CYP2R1: variants seen among roughly 807,000 people sequenced by gnomAD.
CYP2R1 encodes the protein cytochrome P450 family 2 subfamily R member 1, also known as vitamin D 25-hydroxylase.
CYP2R1 carries 40 observed loss-of-function variants against 45.7 expected under a neutral mutation model. The observed-to-expected ratio is 0.87, with a 90% CI of 0.68 to 1.14. The LOEUF (loss-of-function observed/expected upper bound fraction) is 1.14, where lower values mean the gene tolerates loss of function less well. CYP2R1 is among the 50% of genes most tolerant of loss of function. The probability of loss-of-function intolerance (pLI) is 0.00; values close to 1 mark genes in which losing one functional copy is unlikely to be tolerated. For missense variants in CYP2R1, 605 were observed against 602.6 expected, an observed-to-expected ratio of 1.00 and a Z score of -0.04; for synonymous variants, 234 against 219.3, an observed-to-expected ratio of 1.07 and a Z score of -0.59.
At position 14,880,267 on chromosome 11, in the gene CYP2R1, T is replaced by C; in HGVS notation, c.869A>G (p.Asp290Gly). The part of the protein sequence containing the change: ...YLDEMDQGKN[D>G]PSSTFSKENL... ...TTCTTTGGAGAAAGTAGATGATGGG[T>C]CATTTTTACCTTGATCCATCTCATC... The change falls in exon 3 of 5, where the codon GAC (aspartate) becomes GGC (glycine). Residue 290 changes from aspartate (D) to glycine (G), a missense_variant. Physicochemically the swap from Asp to Gly is moderately conservative, Grantham distance 94. Transcript: ENST00000334636. 6.2e-7 allele frequency: 1 copy of C among 1,613,050 alleles called. No homozygotes were observed. Among genetic ancestry groups the C allele is most frequent in the South Asian group, 1.1e-5 (1 of 91,038 alleles).
upstream of CYP2R1, chr11:14,892,320 C>T (rs1296507833): frequency 3.0e-6 from 3 of 1,005,162 alleles, no homozygotes; most frequent in East Asian, 7.8e-5. Context: ...GCTCCGTGGC[C>T]ATTGGCTGAC....
chr11:14,879,905 G>GT (rs1204670302), intron 3 of CYP2R1, among the ~76,000 whole-genome samples: 4 of 151,982 alleles, frequency 2.6e-5, no homozygotes, highest in East Asian at 3.9e-4. Context: ...GACACACAGT[G>GT]TTTTTTCTCA....
intron 2 of CYP2R1, among the ~76,000 whole-genome samples, chr11:14,884,510 C>T (rs1440126857): frequency 1.6e-5 from 2 of 126,038 alleles, no homozygotes; most frequent in South Asian, 4.9e-4. Flanking sequence ...GGAAGGGGAA[C>T]ATCACACTCT....
intron 4 of CYP2R1, 100 bp downstream of exon 4, chr11:14,879,014 T>C (rs1848264661): frequency 1.2e-5 from 11 of 930,700 alleles, no homozygotes; most frequent in Middle Eastern, 2.2e-4. Context: ...AGAATTGGGA[T>C]ATTTAATTCT....
intron 1 of CYP2R1, 108 bp downstream of exon 1, chr11:14,891,873 G>A (rs1848871305): frequency 3.5e-6 from 5 of 1,429,606 alleles, no homozygotes; most frequent in Non-Finnish European, 4.7e-6. Context: ...CACACGGAGA[G>A]GTCCCGACTA....
intron 1 of CYP2R1, among the ~76,000 whole-genome samples, chr11:14,888,812 G>A (rs1421990159): frequency 6.6e-6 from 1 of 152,066 alleles, no homozygotes; most frequent in Admixed American, 6.5e-5. Flanking sequence ...AAATTAATAC[G>A]CTGTCAATTC....
intron 4 of CYP2R1, 88 bp from the exon 5 acceptor site, chr11:14,878,385 T>C: frequency 7.7e-7 from 1 of 1,292,982 alleles, no homozygotes; most frequent in Admixed American, 2.1e-5. Flanking sequence ...ATTCAGGAAA[T>C]CTGGAATTTA....
rs1565175953 is a variant in CYP2R1, at chr11:14,878,248, C to CG, written c.1379_1380insC (p.Leu460PhefsTer17). ...ACCTCTGAAGCAATGCTGTAAAAAA[C>CG]AAGAACATTTCCATCCGAGCCAAGT... is the stretch of plus-strand genomic sequence containing the variant. On this transcript the variant is annotated frameshift_variant, in exon 5 of 5. Transcript: ENST00000334636. LOFTEE classifies it high-confidence loss of function. The CG allele has an allele frequency of 6.2e-7, 1 of 1,613,108 alleles. No individual in the cohort carries two copies. Among genetic ancestry groups the CG allele is most frequent in the Admixed American group, 1.7e-5 (1 of 59,824 alleles).
chr11:14,883,307 A>T (rs1228008849), intron 2 of CYP2R1, among the ~76,000 whole-genome samples: 1 of 152,038 alleles, frequency 6.6e-6, no homozygotes, highest in Non-Finnish European at 1.5e-5. Context: ...CACTAACCAA[A>T]ACAGCATGGT....
chr11:14,891,096 A>G lies in CYP2R1; in HGVS notation c.225+885T>C, dbSNP rs148659424. The G allele has an allele frequency of 2.3e-4, 229 of 985,396 alleles. No homozygotes were observed. The African/African-American group carries it at 3.9e-3, about 17-fold the overall frequency. 61.0% of individuals were successfully genotyped at this position (985,396 alleles called of 1,614,324 possible). On this transcript the variant is annotated intron_variant, in intron 1 of 4. Transcript: ENST00000334636. ...AGTGTAATTCAAAACAAAACAGGTG[A>G]GCTCTGTCCCAGGACCCGTGGAAAC...
At chr11:14,886,815 C>T (rs977344346) in intron 1 of CYP2R1, 10 of 152,312 alleles carry the variant, frequency 6.6e-5, no homozygotes, top group African/African-American at 2.4e-4. Flanking sequence ...ATGGTACACA[C>T]TACTTCAGAA....
In CYP2R1 at chr11:14,880,701, T is replaced by C; in HGVS notation, c.435A>G (p.Arg145=). 8 of 1,597,780 alleles carry C rather than the reference T, an allele frequency of 5.0e-6. No individual in the cohort carries two copies. Among genetic ancestry groups the C allele is most frequent in the Non-Finnish European group, 6.0e-6 (7 of 1,175,448 alleles). ...AAGACTTTTGGCCATATCCAAAATA[T>C]CGAAAACTGTTTACAGCTAATCGTC... is the stretch of plus-strand genomic sequence containing the variant. The part of the protein sequence containing the change: ...DHRRLAVNSF[R]YFGYGQKSFE... Residue 145 remains arginine, a synonymous_variant, in exon 3 of 5, where the codon CGA becomes CGG. Coordinates refer to ENST00000334636, the MANE Select transcript of CYP2R1 (RefSeq NM_024514.5).
chr11:14,884,426 G>A (rs1340883649), intron 2 of CYP2R1, among the ~76,000 whole-genome samples: 75 of 150,492 alleles, frequency 5.0e-4, no homozygotes, highest in Admixed American at 1.3e-3. Context: ...GTAAACTATC[G>A]CAAGAACAAA....
At chr11:14,892,389 T>A, upstream of CYP2R1, 3 of 634,162 alleles carry the variant, frequency 4.7e-6, no homozygotes, top group Non-Finnish European at 8.2e-6. Flanking sequence ...CGGCTGAGAG[T>A]GGACTTTGCG....
rs1424269471 is a variant in CYP2R1, at chr11:14,877,683, C to T, written c.*439G>A. On this transcript the variant is annotated 3_prime_UTR_variant, in exon 5 of 5. Coordinates refer to ENST00000334636, the MANE Select transcript of CYP2R1 (RefSeq NM_024514.5). ...AACTCATTTATTTGTGTTTTAATTT[C>T]TTCTGTAGTCCTCTATTAAACTGGA... 6.4e-6 allele frequency: 1 copy of T among 155,528 alleles called. No individual in the cohort carries two copies. The highest frequency in any genetic ancestry group is 1.4e-5 in the Non-Finnish European group (1 of 70,448). The allele number at this position is 155,528 out of a possible 1,614,324, so 9.6% of individuals were successfully genotyped here.
At chr11:14,892,443 G>T (rs1848900228), upstream of CYP2R1, among the ~76,000 whole-genome samples, 1 of 152,216 alleles carries the variant, frequency 6.6e-6, no homozygotes, top group African/African-American at 2.4e-5. Context: ...CGCGGCTCTA[G>T]GCGGAGCAAT....
Position 14,880,289 on chromosome 11 carries a change from C to T in CYP2R1, c.847G>A (p.Glu283Lys), listed in dbSNP as rs1159586107. ...PQHFVDAYLD[E>K]MDQGKNDPSS... ...GGGTCATTTTTACCTTGATCCATCT[C>T]ATCTAAATAAGCATCAACAAAATGC... Residue 283 changes from glutamate to lysine, a missense_variant, in exon 3 of 5, where the codon GAG becomes AAG. Coordinates refer to ENST00000334636, the MANE Select transcript of CYP2R1 (RefSeq NM_024514.5). The T allele has an allele frequency of 1.9e-6, 3 of 1,613,064 alleles. No homozygotes were observed. The highest frequency in any genetic ancestry group is 2.7e-5 in the African/African-American group (2 of 74,850).
chr11:14,879,988 CTCT>C (rs1396077808), intron 3 of CYP2R1, 145 bp downstream of exon 3: 1 of 763,870 alleles, frequency 1.3e-6, no homozygotes, highest in African/African-American at 1.8e-5. Flanking sequence ...GATTTGAAAA[CTCT>C]TTTTTGTAAC....
rs781820129 is a variant in CYP2R1, at chr11:14,879,264, T to C, written c.1180A>G (p.Ile394Val). The C allele has an allele frequency of 2.5e-6, 4 of 1,613,342 alleles. No individual in the cohort carries two copies. The highest frequency in any genetic ancestry group is 2.5e-6 in the Non-Finnish European group (3 of 1,179,546). ...SEDAVVRGYS[I>V]PKGTTVITNL... is the part of the protein sequence containing the mutation. Reference sequence around the variant, plus strand: ...GTAATTACTGTTGTGCCTTTAGGAATGGAATAACCACGTACAACTGCATCT... The same window carrying C: ...GTAATTACTGTTGTGCCTTTAGGAACGGAATAACCACGTACAACTGCATCT... The change falls in exon 4 of 5, where the codon ATT becomes GTT. Residue 394 changes from isoleucine to valine, a missense_variant. Physicochemically the swap from Ile to Val is conservative, Grantham distance 29. Transcript: ENST00000334636.
Sources: allele counts gnomAD v4.1 joint callset (sites outside exome capture counted in the v4.1 genomes callset), GRCh38; gene constraint gnomAD v4.1.1; transcripts MANE v1.5; gene names NCBI Gene and HGNC (gene_info 2026-07-23, HGNC 2026-07-21).